STOX2: variants seen among roughly 807,000 people sequenced by gnomAD.
STOX2 encodes storkhead-box protein 2.
In STOX2, 28 loss-of-function variants were observed where a neutral mutation model predicts 60.9. The observed-to-expected ratio is 0.46, with a 90% CI of 0.34 to 0.63. STOX2 has a LOEUF of 0.63. Ranked by LOEUF, STOX2 falls within the 30% of genes least tolerant of loss-of-function variation. The probability of loss-of-function intolerance (pLI) is 0.01; values close to 1 mark genes in which losing one functional copy is unlikely to be tolerated. For synonymous variants in STOX2, 472 were observed against 463.9 expected (o/e 1.02, Z -0.22); for missense variants, 1,024 against 1,187.7 (o/e 0.86, Z 2.03).
chr4:183,963,587 C>G (rs1402026990), intron 1 of STOX2, among the ~76,000 whole-genome samples: 2 of 151,626 alleles, frequency 1.3e-5, no homozygotes, highest in African/African-American at 4.8e-5. Context: ...CCACCACACC[C>G]GGCTAATTTT....
At chr4:183,990,140 A>G (rs1416640662) in intron 1 of STOX2, among the ~76,000 whole-genome samples, 1 of 152,160 alleles carries the variant, frequency 6.6e-6, no homozygotes, top group Non-Finnish European at 1.5e-5. Flanking sequence ...GTCAGGTTTA[A>G]AGGATGTTTG....
rs878894272 is a variant in STOX2 at position 183,893,123 on chromosome 4, C to T, written c.364+95068C>T. Among the ~76,000 whole-genome samples, 3 of 147,320 alleles carry T rather than the reference C, an allele frequency of 2.0e-5. No homozygotes were observed. The South Asian group carries it at 6.5e-4, about 32-fold the overall frequency. On this transcript the variant is annotated intron_variant, in intron 1 of 2. Coordinates refer to the STOX2 transcript ENST00000513034. ...GGTCCAACTTTCTTTTTTTTTTTTT[C>T]CCCTCTCCCTCACTGTCTTTAATTT...
chr4:183,851,516 AGAAACGATGAGG>A (rs1740137520), intron 1 of STOX2, among the ~76,000 whole-genome samples: 1 of 16,750 alleles, frequency 6.0e-5, no homozygotes, highest in African/African-American at 2.4e-4. Context: ...AAAGGATGAG[AGAAACGATGAGG>A]GAAAGGATGA....
intron 1 of STOX2, among the ~76,000 whole-genome samples, chr4:183,994,343 G>C (rs1733240900): frequency 6.6e-6 from 1 of 152,134 alleles, no homozygotes; most frequent in Non-Finnish European, 1.5e-5. Flanking sequence ...GAACAAAAGG[G>C]GCACACATTA....
chr4:183,936,705 G>A (rs1234434650), intron 1 of STOX2, among the ~76,000 whole-genome samples: 1 of 152,188 alleles, frequency 6.6e-6, no homozygotes, highest in Non-Finnish European at 1.5e-5. Context: ...GCATGGAATT[G>A]TTGAATATTT....
chr4:183,984,387 A>G (rs1732766591), intron 1 of STOX2, among the ~76,000 whole-genome samples: 1 of 152,054 alleles, frequency 6.6e-6, no homozygotes, highest in Admixed American at 6.5e-5. Flanking sequence ...GTATTTTTGC[A>G]CTTTTTATAT....
intron 1 of STOX2, among the ~76,000 whole-genome samples, chr4:183,944,861 CTT>C (rs1742843333): frequency 6.6e-6 from 1 of 152,172 alleles, no homozygotes; most frequent in Admixed American, 6.5e-5. Flanking sequence ...ATAAGCCTAT[CTT>C]TTACTCATTC....
chr4:183,900,194 T>G (rs913867614), intron 1 of STOX2, among the ~76,000 whole-genome samples: 10 of 152,204 alleles, frequency 6.6e-5, no homozygotes, highest in Admixed American at 2.0e-4. Context: ...TATACTTCAG[T>G]GACAGTGATC....
chr4:183,989,178 T>TG (rs200622857), intron 1 of STOX2, among the ~76,000 whole-genome samples: 18 of 50,982 alleles, frequency 3.5e-4, no homozygotes, highest in African/African-American at 1.3e-3. Context: ...GGTTTTTTTT[T>TG]TTTTTTTTTT....
In STOX2 at chr4:184,001,538, C is replaced by T. The variant is rs1733592666; in HGVS notation, c.319+61C>T. On this transcript the variant is annotated intron_variant, in intron 2 of 3. Transcript: ENST00000308497. This position sits in a 1 kb window ranked among gnomAD's most constrained non-coding sequence, Gnocchi z 4.2. ...GGTGTGCTGTGGTCGCTCTAGGACTCACGTGGACTGTTCTGCCCATGTTTA... is the reference window on the plus strand; with the variant it reads ...GGTGTGCTGTGGTCGCTCTAGGACTTACGTGGACTGTTCTGCCCATGTTTA... 6.5e-7 allele frequency: 1 copy of T among 1,532,348 alleles called. No individual in the cohort carries two copies. Among genetic ancestry groups the T allele is most frequent in the Non-Finnish European group, 9.0e-7 (1 of 1,117,222 alleles). 94.9% of individuals were successfully genotyped at this position (1,532,348 alleles called of 1,614,324 possible). A position where few individuals can be genotyped will look rare whatever the true frequency, so the allele number is the denominator to read the frequency against.
At position 184,010,244 on chromosome 4, in the gene STOX2, G is replaced by C; in HGVS notation, c.1406G>C (p.Arg469Pro). 6.4e-7 allele frequency: 1 copy of C among 1,562,864 alleles called. No homozygotes were observed. The highest frequency in any genetic ancestry group is 1.2e-5 in the South Asian group (1 of 84,854). Residue 469 changes from arginine to proline, a missense_variant, in exon 3 of 4, where the codon CGA (arginine) becomes CCA (proline). Physicochemically the swap from Arg to Pro is moderately radical, Grantham distance 103 (BLOSUM62 -2). Coordinates refer to ENST00000308497, the MANE Select transcript of STOX2 (RefSeq NM_020225.3). This position sits in a 1 kb window ranked among gnomAD's most constrained non-coding sequence, Gnocchi z 4.5. ...SRGSSHSKVHRSHSHTQDRRS... is the reference protein window; with the variant it reads ...SRGSSHSKVHPSHSHTQDRRS... ...GGAAGCTCCCACTCAAAAGTGCACC[G>C]AAGCCACAGCCATACACAGGACCGG...
intron 1 of STOX2, among the ~76,000 whole-genome samples, chr4:183,968,610 C>A (rs1743648433): frequency 6.6e-6 from 1 of 152,236 alleles, no homozygotes; most frequent in Admixed American, 6.5e-5. Context: ...AGACAGAAAT[C>A]CTGCCACCTT....
intron 1 of STOX2, among the ~76,000 whole-genome samples, chr4:183,867,913 AG>A (rs1238857282): frequency 2.0e-5 from 3 of 152,234 alleles, no homozygotes; most frequent in African/African-American, 7.2e-5. Flanking sequence ...ATGCAGAAGA[AG>A]GAAGAACTGA....
At chr4:184,004,468 C>T (rs10213006) in intron 2 of STOX2, among the ~76,000 whole-genome samples, 4,710 of 152,176 alleles carry the variant, frequency 0.031, 242 homozygotes, top group African/African-American at 0.11. Context: ...GGCTTGGTGG[C>T]GGGCGCCTGT....
At chr4:183,876,915 T>A (rs924935214) in intron 1 of STOX2, among the ~76,000 whole-genome samples, 2 of 152,190 alleles carry the variant, frequency 1.3e-5, no homozygotes, top group African/African-American at 4.8e-5. Context: ...CGGTTGACAG[T>A]AGTTCCTGCA....
chr4:183,956,439 CATCTATCTATCTATCTATCT>C (rs35378121), intron 1 of STOX2, among the ~76,000 whole-genome samples: 7 of 145,996 alleles, frequency 4.8e-5, no homozygotes, highest in Admixed American at 6.9e-5. Context: ...TTCTATCATT[CATCTATCTATCTATCTATCT>C]ATCTATCTAT....
chr4:183,957,706 T>G (rs1177357336), intron 1 of STOX2, among the ~76,000 whole-genome samples: 2 of 152,236 alleles, frequency 1.3e-5, no homozygotes, highest in African/African-American at 4.8e-5. Context: ...TTTCTGACAC[T>G]AAATGATGTT....
At chr4:183,831,381 T>C (rs987542380) in intron 1 of STOX2, among the ~76,000 whole-genome samples, 3 of 152,166 alleles carry the variant, frequency 2.0e-5, no homozygotes, top group Admixed American at 1.3e-4. Context: ...GTTGCCAAAT[T>C]GCAGCTCCAA....
Position 184,017,885 on chromosome 4 carries a change from T to C in STOX2, c.*601T>C, listed in dbSNP as rs1734445869. 1 of 152,194 alleles carries C rather than the reference T, an allele frequency of 6.6e-6. No individual in the cohort carries two copies. Among genetic ancestry groups the C allele is most frequent in the Non-Finnish European group, 1.5e-5 (1 of 68,034 alleles). 9.4% of individuals were successfully genotyped at this position (152,194 alleles called of 1,614,324 possible). A position where few individuals can be genotyped will look rare whatever the true frequency, so the allele number is the denominator to read the frequency against. On this transcript the variant is annotated 3_prime_UTR_variant, in exon 4 of 4. Coordinates refer to ENST00000308497, the MANE Select transcript of STOX2 (RefSeq NM_020225.3). Reference sequence around the variant, plus strand: ...TTTTCACTGTGAGTTTTCGTGACACTATTTTGCAGGAGCCCATGGAAGTGT... The same window carrying C: ...TTTTCACTGTGAGTTTTCGTGACACCATTTTGCAGGAGCCCATGGAAGTGT...
Sources: allele counts gnomAD v4.1 joint callset (sites outside exome capture counted in the v4.1 genomes callset), GRCh38; gene constraint gnomAD v4.1.1; non-coding constraint Gnocchi (gnomAD v3.1); transcripts MANE v1.5; gene names NCBI Gene and HGNC (gene_info 2026-07-23, HGNC 2026-07-21).